KCNIP4: variants seen among roughly 807,000 people sequenced by gnomAD.
KCNIP4 encodes the protein potassium voltage-gated channel interacting protein 4, also known as Kv channel-interacting protein 4.
In KCNIP4, 12 loss-of-function variants were observed where a neutral mutation model predicts 34.0. The ratio of observed to expected loss-of-function variants is 0.35; its 90% CI spans 0.23 to 0.57. The LOEUF is 0.57. Among genes scored for constraint, KCNIP4 ranks in the 20% least tolerant of loss-of-function variants. The pLI is 0.83. For missense variants in KCNIP4, 238 were observed against 311.7 expected, an observed-to-expected ratio of 0.76 and a Z score of 1.78; for synonymous variants, 124 against 102.2, an observed-to-expected ratio of 1.21 and a Z score of -1.29.
chr4:21,342,493 G>A (rs953909654), intron 1 of KCNIP4, among the ~76,000 whole-genome samples: 2 of 151,966 alleles, frequency 1.3e-5, no homozygotes, highest in Admixed American at 6.6e-5. Context: ...CATGCCCAAG[G>A]ACACACAGCT....
intron 1 of KCNIP4, among the ~76,000 whole-genome samples, chr4:20,992,988 A>G (rs1007535544): frequency 3.6e-5 from 5 of 137,232 alleles, no homozygotes; most frequent in African/African-American, 1.4e-4. Flanking sequence ...AGATCATGCC[A>G]CTGCACTCCA....
At chr4:21,604,206 G>A (rs1222418428) in intron 1 of KCNIP4, among the ~76,000 whole-genome samples, 1 of 152,026 alleles carries the variant, frequency 6.6e-6, no homozygotes, top group African/African-American at 2.4e-5. Context: ...ATCTATTGTT[G>A]CAATGCAGAT....
chr4:21,891,536 G>T (rs2109402469), intron 1 of KCNIP4, among the ~76,000 whole-genome samples: 1 of 152,062 alleles, frequency 6.6e-6, no homozygotes, highest in Admixed American at 6.6e-5. Context: ...CAGGGTGACA[G>T]ATTTTTACCA....
chr4:20,936,734 G>A (rs754804482), intron 1 of KCNIP4, among the ~76,000 whole-genome samples: 27 of 151,650 alleles, frequency 1.8e-4, no homozygotes, highest in Non-Finnish European at 3.7e-4. Context: ...ATGGAAAAAA[G>A]CGTGCTTCTT....
chr4:21,433,732 C>T (rs1223498126), intron 1 of KCNIP4, among the ~76,000 whole-genome samples: 1 of 152,150 alleles, frequency 6.6e-6, no homozygotes, highest in African/African-American at 2.4e-5. Context: ...CCGGGTTTAT[C>T]CTCTGCTATA....
intron 1 of KCNIP4, among the ~76,000 whole-genome samples, chr4:21,592,622 C>T (rs1742306305): frequency 6.6e-6 from 1 of 152,068 alleles, no homozygotes; most frequent in African/African-American, 2.4e-5. Flanking sequence ...CTGAATCCAA[C>T]CCCATGATTG....
intron 1 of KCNIP4, among the ~76,000 whole-genome samples, chr4:21,068,254 T>A (rs1436817682): frequency 6.6e-6 from 1 of 152,144 alleles, no homozygotes; most frequent in Non-Finnish European, 1.5e-5. Context: ...GCCTGAACAA[T>A]CTCAACAGGC....
rs1188214817 is a variant in KCNIP4, at chr4:21,401,874, G to A, written c.62-519165C>T. 2.6e-4 allele frequency among the ~76,000 whole-genome samples: 39 copies of A among 152,162 alleles called. 1 individual carries two copies. Among genetic ancestry groups the A allele is most frequent in the Admixed American group, 2.6e-3 (39 of 15,268 alleles). On this transcript the variant is annotated intron_variant, in intron 1 of 8. Coordinates refer to ENST00000382152, the MANE Select transcript of KCNIP4 (RefSeq NM_025221.6). ...GTCCTTTAATGAAGGAAGAAGTCAG[G>A]TCTATATTTTCCAAAAGCCCATGCT...
chr4:21,720,525 TTTTTC>T (rs1404577252), intron 1 of KCNIP4, among the ~76,000 whole-genome samples: 1 of 107,280 alleles, frequency 9.3e-6, no homozygotes, highest in East Asian at 5.0e-4. Flanking sequence ...CATTCTGTTT[TTTTTC>T]TTTTTTTTTT....
At chr4:21,536,494 CA>C (rs200909010) in intron 1 of KCNIP4, among the ~76,000 whole-genome samples, 8,963 of 152,120 alleles carry the variant, frequency 0.059, 432 homozygotes, top group South Asian at 0.21. Flanking sequence ...ATATGGTTAA[CA>C]CGTCAGGGCA....
intron 1 of KCNIP4, among the ~76,000 whole-genome samples, chr4:20,956,930 A>T (rs1228371261): frequency 6.6e-6 from 1 of 152,210 alleles, no homozygotes; most frequent in Non-Finnish European, 1.5e-5. Context: ...ATATCAAAAC[A>T]TTTTTATATA....
At chr4:21,183,851 C>A (rs1317099565) in intron 1 of KCNIP4, among the ~76,000 whole-genome samples, 2 of 152,038 alleles carry the variant, frequency 1.3e-5, no homozygotes, top group African/African-American at 4.8e-5. Context: ...TTATGTAGAT[C>A]TTAGCTCTAA....
At chr4:20,805,749 A>C (rs1714997163) in intron 3 of KCNIP4, among the ~76,000 whole-genome samples, 1 of 152,126 alleles carries the variant, frequency 6.6e-6, no homozygotes, top group South Asian at 2.1e-4. Flanking sequence ...TCATTCAATT[A>C]AAGTCTTTTC....
rs781680962 is a variant in KCNIP4 at position 21,118,763 on chromosome 4, C to G, written c.62-236054G>C. Among the ~76,000 whole-genome samples the G allele has an allele frequency of 1.9e-4, 29 of 152,106 alleles. No individual in the cohort carries two copies. In the East Asian group the frequency reaches 2.9e-3, roughly 15 times the overall value. ...TTTCCCTGAAATCTCCTTGCCTCCC[C>G]CTTAAGATGTGTGTAGGAAGGGGGA... is the stretch of plus-strand genomic sequence containing the variant. On this transcript the variant is annotated intron_variant, in intron 1 of 8. Coordinates refer to ENST00000382152, the MANE Select transcript of KCNIP4 (RefSeq NM_025221.6).
chr4:20,743,078 C>T (rs1198195902), intron 5 of KCNIP4, among the ~76,000 whole-genome samples: 1 of 140,980 alleles, frequency 7.1e-6, no homozygotes, highest in Non-Finnish European at 1.6e-5. Flanking sequence ...TAAGTTCACC[C>T]TTATGTGAAC....
intron 1 of KCNIP4, among the ~76,000 whole-genome samples, chr4:21,523,863 G>A (rs534894386): frequency 6.6e-6 from 1 of 152,164 alleles, no homozygotes; most frequent in South Asian, 2.1e-4. Flanking sequence ...GTGAGCCACT[G>A]TGCCTGGACT....
chr4:21,386,934 CCTG>C (rs1272454594), intron 1 of KCNIP4, among the ~76,000 whole-genome samples: 2 of 152,282 alleles, frequency 1.3e-5, no homozygotes, highest in Non-Finnish European at 2.9e-5. Context: ...TATCCTTCCT[CCTG>C]CACAGTGTAA....
intron 1 of KCNIP4, among the ~76,000 whole-genome samples, chr4:21,361,855 G>A (rs1455867505): frequency 6.6e-6 from 1 of 151,992 alleles, no homozygotes; most frequent in Non-Finnish European, 1.5e-5. Flanking sequence ...GTTCATATTT[G>A]TAACTAAAAT....
intron 1 of KCNIP4, among the ~76,000 whole-genome samples, chr4:21,740,991 A>G (rs893922904): frequency 1.3e-5 from 2 of 152,070 alleles, no homozygotes; most frequent in Non-Finnish European, 2.9e-5. Flanking sequence ...GAGGGAGAGA[A>G]AAAAAAATTC....
Sources: allele counts gnomAD v4.1 joint callset (sites outside exome capture counted in the v4.1 genomes callset), GRCh38; gene constraint gnomAD v4.1.1; transcripts MANE v1.5; gene names NCBI Gene and HGNC (gene_info 2026-07-23, HGNC 2026-07-21).